Variants in PPFIA1 observed in about 807,000 individuals in gnomAD.
The protein encoded by PPFIA1 is PPFI scaffold protein A1, also known as liprin-alpha-1.
A neutral mutation model predicts 149.9 loss-of-function variants in PPFIA1; 25 were observed. The observed-to-expected ratio is 0.17, with a 90% confidence interval of 0.12 to 0.23. The LOEUF (loss-of-function observed/expected upper bound fraction) is 0.23, where lower values mean the gene tolerates loss of function less well. Ranked by LOEUF, PPFIA1 falls within the 10% of genes least tolerant of loss-of-function variation. The probability of loss-of-function intolerance (pLI) is 1.00; values close to 1 mark genes in which losing one functional copy is unlikely to be tolerated. For missense variants in PPFIA1, 1,362 were observed against 1,506.5 expected, an observed-to-expected ratio of 0.90 and a Z score of 1.59; for synonymous variants, 549 against 552.8, an observed-to-expected ratio of 0.99 and a Z score of 0.10.
chr11:70,289,608 A>G (rs1374853072), intron 2 of PPFIA1, among the ~76,000 whole-genome samples: 1 of 152,268 alleles, frequency 6.6e-6, no homozygotes, highest in Non-Finnish European at 1.5e-5. Flanking sequence ...TTGTTGTAAC[A>G]TAACCAAAGT....
rs190233425 is a variant in PPFIA1, at chr11:70,293,899, T to G, written c.264+21463T>G. 9.9e-5 allele frequency among the ~76,000 whole-genome samples: 15 copies of G among 151,782 alleles called. No individual in the cohort carries two copies. The East Asian group carries it at 2.9e-3, about 29-fold the overall frequency. ...ATTGGATCCCTTTCAGCTCTCTGAT[T>G]CTTTAAATACTCTGTAGTTCCTGCA... On this transcript the variant is annotated intron_variant, in intron 2 of 27. Coordinates refer to ENST00000253925, the MANE Select transcript of PPFIA1 (RefSeq NM_003626.5).
intron 17 of PPFIA1, among the ~76,000 whole-genome samples, chr11:70,354,731 C>G (rs147717707): frequency 5.8e-4 from 88 of 152,038 alleles, no homozygotes; most frequent in African/African-American, 2.0e-3. Flanking sequence ...TCTTCAGAGT[C>G]TATAAATTGA....
At chr11:70,324,013 G>A (rs1028814716) in intron 2 of PPFIA1, among the ~76,000 whole-genome samples, 8 of 152,208 alleles carry the variant, frequency 5.3e-5, no homozygotes, top group African/African-American at 1.2e-4. Context: ...TGGCCTTCTA[G>A]GCCATCTTTC....
At chr11:70,306,151 G>A (rs528066819) in intron 2 of PPFIA1, among the ~76,000 whole-genome samples, 13 of 152,226 alleles carry the variant, frequency 8.5e-5, no homozygotes, top group East Asian at 7.7e-4. Flanking sequence ...AAACATGCAC[G>A]CACACATGCA....
chr11:70,355,643 A>T lies in PPFIA1; in HGVS notation c.2320A>T (p.Thr774Ser). The change falls in exon 18 of 28, where the codon ACA (threonine) becomes TCA (serine). Residue 774 changes from threonine (T) to serine (S), a missense_variant. By Grantham distance (58) the Thr-to-Ser change is moderately conservative. Coordinates refer to ENST00000253925, the MANE Select transcript of PPFIA1 (RefSeq NM_003626.5). ...HEDIRDIRNS[T>S]GSQDGPVSNP... Reference sequence around the variant, plus strand: ...ATCCGTTTTCTTTCCTCGAAGCTCCACAGGCTCCCAGGATGGTCCCGTGAG... The same window carrying T: ...ATCCGTTTTCTTTCCTCGAAGCTCCTCAGGCTCCCAGGATGGTCCCGTGAG... The T allele has an allele frequency of 6.3e-7, 1 of 1,599,652 alleles. No individual in the cohort carries two copies.
chr11:70,326,996 C>G lies in PPFIA1; in HGVS notation c.930+178C>G, dbSNP rs532261435. On this transcript the variant is annotated intron_variant, in intron 7 of 27. Transcript: ENST00000253925. ...TGTGAAACTGCCATAAGCTACCTCC[C>G]CATTTTTGTTGTGAAATCTCCTGTC... The G allele has an allele frequency of 4.5e-4, 268 of 599,670 alleles. No homozygotes were observed. In the African/African-American group the frequency reaches 4.7e-3, roughly 10 times the overall value. 37.1% of individuals were successfully genotyped at this position (599,670 alleles called of 1,614,324 possible).
At chr11:70,338,096 T>C (rs541165776) in intron 12 of PPFIA1, among the ~76,000 whole-genome samples, 2 of 152,372 alleles carry the variant, frequency 1.3e-5, no homozygotes, top group South Asian at 4.1e-4. Flanking sequence ...ACGAAACTAA[T>C]AATTGTTAAT....
chr11:70,372,317 G>C lies in PPFIA1; in HGVS notation c.2968G>C (p.Asp990His). ...CAGCTACTTCATGGAGTGCCTTGTA[G>C]ACGCCAGGATGCTGGACCACTTGAC... Reference protein sequence around the residue: ...YRSYFMECLVDARMLDHLTKK... With the variant: ...YRSYFMECLVHARMLDHLTKK... The change falls in exon 22 of 28, where the codon GAC becomes CAC. Residue 990 changes from aspartate to histidine, a missense_variant. Asp to His is a moderately conservative substitution (Grantham distance 81). Transcript: ENST00000253925. 1 of 1,614,224 alleles carries C rather than the reference G, an allele frequency of 6.2e-7. No individual in the cohort carries two copies. Among genetic ancestry groups the C allele is most frequent in the Non-Finnish European group, 8.5e-7 (1 of 1,180,036 alleles).
At position 70,304,615 on chromosome 11, in the gene PPFIA1, C is replaced by G. The variant is rs2052719658; in HGVS notation, c.265-19787C>G. Among the ~76,000 whole-genome samples the G allele has an allele frequency of 2.0e-5, 3 of 152,176 alleles. 1 individual carries two copies. The highest frequency in any genetic ancestry group is 4.4e-5 in the Non-Finnish European group (3 of 68,036). On this transcript the variant is annotated intron_variant, in intron 2 of 27. Coordinates refer to ENST00000253925, the MANE Select transcript of PPFIA1 (RefSeq NM_003626.5). ...GTTGGTCAGAAGCACAGGTCACAAC[C>G]TGGGACTTGTACTTGGCACCTGCAA... is the stretch of plus-strand genomic sequence containing the variant.
chr11:70,290,476 G>T (rs975933265), intron 2 of PPFIA1, among the ~76,000 whole-genome samples: 2 of 152,140 alleles, frequency 1.3e-5, no homozygotes, highest in Non-Finnish European at 2.9e-5. Flanking sequence ...CTTTGTTGGC[G>T]CCTGCTAATG....
At chr11:70,307,882 C>T (rs1048883596) in intron 2 of PPFIA1, among the ~76,000 whole-genome samples, 1 of 152,308 alleles carries the variant, frequency 6.6e-6, no homozygotes, top group Non-Finnish European at 1.5e-5. Context: ...GCCATGGTTA[C>T]AGCACGGCAC....
chr11:70,295,697 C>A (rs571759174), intron 2 of PPFIA1, among the ~76,000 whole-genome samples: 6 of 138,916 alleles, frequency 4.3e-5, no homozygotes, highest in Non-Finnish European at 7.7e-5. Context: ...TGACCCCCCC[C>A]ACCTCCCTCC....
intron 2 of PPFIA1, among the ~76,000 whole-genome samples, chr11:70,321,029 C>T (rs2053909073): frequency 6.6e-6 from 1 of 152,188 alleles, no homozygotes; most frequent in African/African-American, 2.4e-5. Context: ...TTTTGTGTTC[C>T]CTGCTCTGCC....
chr11:70,362,462 C>G lies in PPFIA1; in HGVS notation c.2839C>G (p.Pro947Ala), dbSNP rs761400948. The change falls in exon 21 of 28, where the codon CCG (proline) becomes GCG (alanine). Residue 947 changes from proline (P) to alanine (A), a missense_variant. Physicochemically the swap from Pro to Ala is conservative, Grantham distance 27. Around this residue, in one of 7 missense-constraint regions of PPFIA1, gnomAD observed 349 missense variants for 373.3 expected, o/e 0.93. Transcript: ENST00000253925. ...CCAGGAGATCATGTCGCTGACCAGC[C>G]CGTCTGCCCCGCCCACATCTAGAAC... ...AIQEIMSLTS[P>A]SAPPTSRTTL... is the part of the protein sequence containing the mutation. The G allele has an allele frequency of 1.2e-6, 2 of 1,613,560 alleles. No individual in the cohort carries two copies. Among genetic ancestry groups the G allele is most frequent in the African/African-American group, 1.3e-5 (1 of 74,906 alleles).
At chr11:70,359,754 A>T (rs563693222) in intron 19 of PPFIA1, among the ~76,000 whole-genome samples, 1 of 152,356 alleles carries the variant, frequency 6.6e-6, no homozygotes, top group South Asian at 2.1e-4. Context: ...TTATTCACAA[A>T]TTATATGACC....
At chr11:70,275,735 ACT>A (rs751992814) in intron 2 of PPFIA1, among the ~76,000 whole-genome samples, 1 of 151,880 alleles carries the variant, frequency 6.6e-6, no homozygotes. Context: ...CTGTTTCTGG[ACT>A]CTCTTCTGCT....
chr11:70,354,938 T>C (rs1307290813), intron 17 of PPFIA1, among the ~76,000 whole-genome samples: 1 of 152,096 alleles, frequency 6.6e-6, no homozygotes, highest in Non-Finnish European at 1.5e-5. Context: ...ATCTATGCTA[T>C]CTTTTTTTTT....
intron 2 of PPFIA1, among the ~76,000 whole-genome samples, chr11:70,273,559 C>G (rs930085828): frequency 2.0e-5 from 3 of 152,184 alleles, no homozygotes; most frequent in Non-Finnish European, 4.4e-5. Context: ...CATGATGGGT[C>G]TGCAGTGATA....
chr11:70,380,337 G>GCGGGAGGA (rs1738960007), intron 26 of PPFIA1, among the ~76,000 whole-genome samples: 2 of 152,034 alleles, frequency 1.3e-5, no homozygotes, highest in South Asian at 4.1e-4. Context: ...GGAGGCCAAG[G>GCGGGAGGA]CGGGAGGATC....
Sources: gnomAD v4.1 joint callset for allele counts (sites outside exome capture counted in the v4.1 genomes callset) on GRCh38, gnomAD v4.1.1 for gene constraint, gnomAD v4.1.1 regional missense constraint, MANE v1.5 for transcripts, NCBI Gene and HGNC (gene_info 2026-07-23, HGNC 2026-07-21) for gene names.